LSG1: variants seen among roughly 807,000 people sequenced by gnomAD.
LSG1 encodes large subunit GTPase 1 homolog.
Under a neutral mutation model 82.6 loss-of-function variants are expected in LSG1, and 55 were observed. The observed-to-expected ratio is 0.67, with a 90% CI of 0.54 to 0.83. The LOEUF is 0.83. Among genes scored for constraint, LSG1 ranks in the 40% least tolerant of loss-of-function variants. The pLI is 0.00. For synonymous variants in LSG1, 272 were observed against 282.5 expected (o/e 0.96, Z 0.37); for missense variants, 809 against 807.9 (o/e 1.00, Z -0.02).
Position 194,657,007 on chromosome 3 carries a change from G to A in LSG1, c.759+1950C>T, listed in dbSNP as rs528470074. On this transcript the variant is annotated intron_variant, in intron 7 of 13. Coordinates refer to ENST00000265245, the MANE Select transcript of LSG1 (RefSeq NM_018385.3). The stretch of plus-strand genomic sequence containing the variant: ...ACGCCGGGGACTGTTGTGGGGTCGG[G>A]GGAGAGGGGAGGGATAACATTAGGA... 6.6e-5 allele frequency among the ~76,000 whole-genome samples: 10 copies of A among 152,158 alleles called. No individual in the cohort carries two copies. The South Asian group carries it at 1.9e-3, about 28-fold the overall frequency.
chr3:194,648,336 T>G (rs1390463592), intron 11 of LSG1, among the ~76,000 whole-genome samples: 2 of 152,132 alleles, frequency 1.3e-5, no homozygotes, highest in Admixed American at 6.6e-5. Context: ...GCTCCCCTCC[T>G]AACTCTCCTG....
intron 7 of LSG1, among the ~76,000 whole-genome samples, chr3:194,658,199 G>A (rs1718846581): frequency 6.6e-6 from 1 of 152,164 alleles, no homozygotes; most frequent in Non-Finnish European, 1.5e-5. Context: ...CCAGGCTGGA[G>A]TGCACTGGCA....
Position 194,650,875 on chromosome 3 carries a change from G to A in LSG1, c.1419+6C>T, listed in dbSNP as rs372776459. 1.4e-5 allele frequency: 23 copies of A among 1,610,714 alleles called. 1 individual carries two copies. The African/African-American group carries it at 3.1e-4, about 22-fold the overall frequency. ...AACTAGAGTGTTTCCAAAGCAGAAA[G>A]GATATTAGTGATACAGGAGGAACAT... is the stretch of plus-strand genomic sequence containing the variant. On this transcript the variant is annotated splice_donor_region_variant and intron_variant, in intron 10 of 13. Coordinates refer to ENST00000265245, the MANE Select transcript of LSG1 (RefSeq NM_018385.3).
chr3:194,651,204 T>A lies in LSG1; in HGVS notation c.1186A>T (p.Asn396Tyr). 6.2e-7 allele frequency: 1 copy of A among 1,613,570 alleles called. No homozygotes were observed. ...TTGATTGTTGAACTCTTACCAACAT[T>A]AGGGTAGCCCACCTAGAAGAGACTC... Reference protein sequence around the residue: ...QLTVGLVGYPNVGKSSTINTI... With the variant: ...QLTVGLVGYPYVGKSSTINTI... Residue 396 changes from asparagine to tyrosine, a missense_variant, in exon 9 of 14, where the codon AAT (asparagine) becomes TAT (tyrosine). By Grantham distance (143) the Asn-to-Tyr change is moderately radical (BLOSUM62 -2). Transcript: ENST00000265245.
Position 194,650,884 on chromosome 3 carries a change from T to C in LSG1, c.1416A>G (p.Ser472=), listed in dbSNP as rs768838104. Residue 472 remains serine (S), a synonymous_variant, in exon 10 of 14, where the codon TCA becomes TCG. Transcript: ENST00000265245. The part of the protein sequence containing the change: ...DQMRDHVPPV[S]LVCQNIPRHV... ...GTTTCCAAAGCAGAAAGGATATTAG[T>C]GATACAGGAGGAACATGATCTCTCA... 2.1e-5 allele frequency: 34 copies of C among 1,612,108 alleles called. No individual in the cohort carries two copies. The highest frequency in any genetic ancestry group is 2.7e-5 in the Non-Finnish European group (32 of 1,179,232).
intron 1 of LSG1, among the ~76,000 whole-genome samples, chr3:194,670,935 C>A (rs888554731): frequency 7.2e-5 from 11 of 152,034 alleles, no homozygotes; most frequent in Admixed American, 4.6e-4. Flanking sequence ...CAAACAAAAC[C>A]AAACAACCAG....
chr3:194,659,052 G>T lies in LSG1; in HGVS notation c.664C>A (p.Arg222=), dbSNP rs370971373. Residue 222 remains arginine (R), a synonymous_variant, in exon 7 of 14, where the codon CGG becomes AGG. Transcript: ENST00000265245. ...NKADLLTAEQ[R]SAWAMYFEKE... is the part of the protein sequence containing the mutation. ...TCGAAGTACATGGCCCAGGCACTCC[G>T]CTGCTCAGCAGTCAGCAAGTCTGCC... is the stretch of plus-strand genomic sequence containing the variant. 1 of 1,614,142 alleles carries T rather than the reference G, an allele frequency of 6.2e-7. No individual in the cohort carries two copies.
At chr3:194,649,046 C>G in intron 10 of LSG1, 1 of 374,236 alleles carries the variant, frequency 2.7e-6, no homozygotes, top group South Asian at 3.5e-5. Flanking sequence ...TAAAATATAT[C>G]TGAAACAGAC....
intron 12 of LSG1, 41 bp downstream of exon 12, chr3:194,646,123 G>A: frequency 6.3e-7 from 1 of 1,575,068 alleles, no homozygotes; most frequent in Non-Finnish European, 8.7e-7. Flanking sequence ...ATGTGGAAAA[G>A]ACTTGTGTAT....
At chr3:194,659,623 CAT>C (rs1718881378) in intron 6 of LSG1, among the ~76,000 whole-genome samples, 1 of 152,216 alleles carries the variant, frequency 6.6e-6, no homozygotes, top group Admixed American at 6.5e-5. Flanking sequence ...GGGACTCTCA[CAT>C]GTTAGTTATC....
At position 194,650,916 on chromosome 3, in the gene LSG1, C is replaced by A; in HGVS notation, c.1384G>T (p.Asp462Tyr). ...EMTCSGILPI[D>Y]QMRDHVPPVS... ...GGAGGAACATGATCTCTCATCTGAT[C>A]AATTGGGAGGATTCCGCTGCAAGTC... Residue 462 changes from aspartate (D) to tyrosine (Y), a missense_variant, in exon 10 of 14, where the codon GAT becomes TAT. Asp to Tyr is a radical substitution (Grantham distance 160, BLOSUM62 -3). Coordinates refer to ENST00000265245, the MANE Select transcript of LSG1 (RefSeq NM_018385.3). 6.2e-7 allele frequency: 1 copy of A among 1,614,090 alleles called. No homozygotes were observed. Among genetic ancestry groups the A allele is most frequent in the South Asian group, 1.1e-5 (1 of 91,052 alleles).
At chr3:194,654,311 G>C (rs1187487848) in intron 7 of LSG1, among the ~76,000 whole-genome samples, 1 of 152,168 alleles carries the variant, frequency 6.6e-6, no homozygotes, top group Non-Finnish European at 1.5e-5. Context: ...TAATTCTTCT[G>C]AATCCCTCTT....
In LSG1 at chr3:194,669,874, T is replaced by G; in HGVS notation, c.226+135A>C. ...TTGAACCCAGGAGGCGGAGCTGCAG[T>G]GAGCTGATATCACGCCACTGCACTT... On this transcript the variant is annotated intron_variant, in intron 2 of 13. Coordinates refer to ENST00000265245, the MANE Select transcript of LSG1 (RefSeq NM_018385.3). 3.1e-6 allele frequency: 3 copies of G among 983,168 alleles called. No individual in the cohort carries two copies. The South Asian group carries it at 5.0e-5, about 17-fold the overall frequency. The allele number at this position is 983,168 out of a possible 1,614,324, so 60.9% of individuals were successfully genotyped here.
intron 11 of LSG1, among the ~76,000 whole-genome samples, chr3:194,646,656 G>A: frequency 6.6e-6 from 1 of 152,186 alleles, no homozygotes; most frequent in East Asian, 1.9e-4. Flanking sequence ...AAGTACCTGG[G>A]ATTACAGGCG....
chr3:194,643,226 AT>A (rs1718435896), intron 13 of LSG1, among the ~76,000 whole-genome samples: 1 of 152,264 alleles, frequency 6.6e-6, no homozygotes, highest in African/African-American at 2.4e-5. Context: ...AGTTATCAAT[AT>A]TTTAAAGTGC....
intron 2 of LSG1, 68 bp from the exon 3 acceptor site, chr3:194,666,640 A>T: frequency 7.4e-7 from 1 of 1,342,824 alleles, no homozygotes. Flanking sequence ...GGTCATACTG[A>T]TAAACTGAGA....
chr3:194,660,227 A>G, intron 5 of LSG1, 94 bp from the exon 6 acceptor site: 1 of 938,668 alleles, frequency 1.1e-6, no homozygotes. Flanking sequence ...CCCTGGCAAT[A>G]TATTAAGCAC....
At chr3:194,643,789 A>T (rs1294093849) in intron 13 of LSG1, among the ~76,000 whole-genome samples, 3 of 152,248 alleles carry the variant, frequency 2.0e-5, no homozygotes, top group Non-Finnish European at 4.4e-5. Flanking sequence ...AAAAGTGGAA[A>T]CAACCCAAAC....
intron 4 of LSG1, 98 bp from the exon 5 acceptor site, chr3:194,665,741 G>C: frequency 1.5e-6 from 1 of 646,062 alleles, no homozygotes. Flanking sequence ...AATAAGTACT[G>C]GGCACAAATA....
Sources: allele counts gnomAD v4.1 joint callset (sites outside exome capture counted in the v4.1 genomes callset), GRCh38; gene constraint gnomAD v4.1.1; transcripts MANE v1.5; gene names NCBI Gene and HGNC (gene_info 2026-07-23, HGNC 2026-07-21).